Variants in KIF2C observed in about 807,000 individuals in gnomAD.
The protein encoded by KIF2C is kinesin family member 2C.
In KIF2C, 34 loss-of-function variants were observed where a neutral mutation model predicts 97.4. The ratio of observed to expected loss-of-function variants is 0.35; its 90% confidence interval spans 0.27 to 0.46. The LOEUF is 0.46. Among genes scored for constraint, KIF2C ranks in the 20% least tolerant of loss-of-function variants. The pLI, the probability that KIF2C is intolerant of heterozygous loss-of-function variation, is 1.00. For missense variants in KIF2C, 750 were observed against 907.6 expected, an observed-to-expected ratio of 0.83 and a Z score of 2.23; for synonymous variants, 313 against 318.2, an observed-to-expected ratio of 0.98 and a Z score of 0.17.
chr1:44,745,157 C>T (rs549191332), intron 2 of KIF2C, among the ~76,000 whole-genome samples: 2 of 151,586 alleles, frequency 1.3e-5, no homozygotes, highest in Admixed American at 6.6e-5. Context: ...CCACTGCACT[C>T]CAGCCTGGGC....
chr1:44,758,387 T>C (rs1011031500), intron 13 of KIF2C, among the ~76,000 whole-genome samples: 6 of 152,136 alleles, frequency 3.9e-5, no homozygotes, highest in African/African-American at 1.2e-4. Context: ...CCTGTGTGTG[T>C]CCTGACCTCC....
At position 44,739,938 on chromosome 1, in the gene KIF2C, C is replaced by T; in HGVS notation, c.6C>T (p.Ala2=). 4 of 1,614,172 alleles carry T rather than the reference C, an allele frequency of 2.5e-6. No homozygotes were observed. The highest frequency in any genetic ancestry group is 3.4e-6 in the Non-Finnish European group (4 of 1,179,998). M[A]MDSSLQARLF... ...CTTCCTTGCTGACTCTCCGAATGGCCATGGACTCGTCGCTTCAGGCCCGCC... is the reference window on the plus strand; with the variant it reads ...CTTCCTTGCTGACTCTCCGAATGGCTATGGACTCGTCGCTTCAGGCCCGCC... The change falls in exon 1 of 21, where the codon GCC becomes GCT. Residue 2 remains alanine (A), a synonymous_variant. Coordinates refer to ENST00000372224, the MANE Select transcript of KIF2C (RefSeq NM_006845.4).
At chr1:44,756,760 C>CA (rs1196732002) in intron 10 of KIF2C, among the ~76,000 whole-genome samples, 1 of 151,448 alleles carries the variant, frequency 6.6e-6, no homozygotes, top group Non-Finnish European at 1.5e-5. Flanking sequence ...CCCTGTTGGT[C>CA]AGGCTGGTCT....
intron 2 of KIF2C, among the ~76,000 whole-genome samples, chr1:44,744,091 TTTG>T (rs1649062499): frequency 1.5e-5 from 1 of 65,296 alleles, no homozygotes; most frequent in African/African-American, 4.5e-5. Context: ...TTTTTTTTTG[TTTG>T]TTTGTTTGTT....
Position 44,739,885 on chromosome 1 carries a change from T to G in KIF2C, c.-48T>G. 1 of 1,547,742 alleles carries G rather than the reference T, an allele frequency of 6.5e-7. No homozygotes were observed. The highest frequency in any genetic ancestry group is 8.9e-7 in the Non-Finnish European group (1 of 1,119,696). On this transcript the variant is annotated 5_prime_UTR_variant, in exon 1 of 21. Coordinates refer to ENST00000372224, the MANE Select transcript of KIF2C (RefSeq NM_006845.4). ...TTAAGACTTCGTAGGGTTAGCGAAATTGAGGTTTCTTGGTATTGCGCGTTT... is the reference window on the plus strand; with the variant it reads ...TTAAGACTTCGTAGGGTTAGCGAAAGTGAGGTTTCTTGGTATTGCGCGTTT...
At chr1:44,746,757 A>G (rs1002901715) in intron 2 of KIF2C, 2 of 1,609,202 alleles carry the variant, frequency 1.2e-6, no homozygotes, top group Non-Finnish European at 1.7e-6. Flanking sequence ...ATCCATCTAG[A>G]TGGTAAACCA....
At chr1:44,753,466 C>T (rs534362792) in intron 6 of KIF2C, among the ~76,000 whole-genome samples, 2 of 152,342 alleles carry the variant, frequency 1.3e-5, no homozygotes, top group East Asian at 3.8e-4. Context: ...AGCCAAGATG[C>T]ATAGGAAGAG....
chr1:44,754,854 A>G lies in KIF2C; in HGVS notation c.759+9A>G. ...TTACTATGACTGATCCTGTAAGTACATCCAAAGAACTTCTCTTTCTTAAGT... is the reference window on the plus strand; with the variant it reads ...TTACTATGACTGATCCTGTAAGTACGTCCAAAGAACTTCTCTTTCTTAAGT... On this transcript the variant is annotated intron_variant, in intron 8 of 20. Coordinates refer to ENST00000372224, the MANE Select transcript of KIF2C (RefSeq NM_006845.4). The G allele has an allele frequency of 6.6e-7, 1 of 1,524,738 alleles. No individual in the cohort carries two copies. The highest frequency in any genetic ancestry group is 9.1e-7 in the Non-Finnish European group (1 of 1,099,150). 94.5% of individuals were successfully genotyped at this position (1,524,738 alleles called of 1,614,324 possible).
intron 5 of KIF2C, among the ~76,000 whole-genome samples, chr1:44,751,257 G>C (rs1043795918): frequency 2.6e-5 from 4 of 151,958 alleles, no homozygotes; most frequent in Non-Finnish European, 5.9e-5. Flanking sequence ...GTGCAATGGC[G>C]TGGTCTTGGC....
chr1:44,753,871 C>T, intron 7 of KIF2C, 38 bp downstream of exon 7: 2 of 1,320,560 alleles, frequency 1.5e-6, no homozygotes, highest in Non-Finnish European at 2.1e-6. Flanking sequence ...GGTTTTTGGA[C>T]AGGTGTCCTT....
At position 44,767,080 on chromosome 1, in the gene KIF2C, G is replaced by A. The variant is rs367975725; in HGVS notation, c.2096-17G>A. 44 of 1,613,286 alleles carry A rather than the reference G, an allele frequency of 2.7e-5. No homozygotes were observed. The highest frequency in any genetic ancestry group is 3.3e-5 in the Admixed American group (2 of 59,962). On this transcript the variant is annotated splice_polypyrimidine_tract_variant and intron_variant, in intron 20 of 20. Transcript: ENST00000372224. ...GACTCTCACTAACCCCATATGTACC[G>A]CTACCCTTTCTTCCAGATGTCATCA...
At chr1:44,765,424 G>C (rs1650401939) in intron 19 of KIF2C, among the ~76,000 whole-genome samples, 1 of 152,014 alleles carries the variant, frequency 6.6e-6, no homozygotes, top group Admixed American at 6.6e-5. Context: ...AAACCTGCAC[G>C]TTGTGCACAT....
chr1:44,743,008 C>T (rs779420510), intron 2 of KIF2C, among the ~76,000 whole-genome samples: 1 of 152,166 alleles, frequency 6.6e-6, no homozygotes, highest in Non-Finnish European at 1.5e-5. Context: ...GCTGAAGCAG[C>T]AAGATGGCAC....
chr1:44,760,726 G>A lies in KIF2C; in HGVS notation c.1683+24G>A. 6.4e-7 allele frequency: 1 copy of A among 1,567,560 alleles called. No individual in the cohort carries two copies. Among genetic ancestry groups the A allele is most frequent in the Non-Finnish European group, 8.8e-7 (1 of 1,138,126 alleles). On this transcript the variant is annotated intron_variant, in intron 16 of 20. Transcript: ENST00000372224. The surrounding 1 kb of genome is among the most constrained non-coding windows in gnomAD (Gnocchi z 4.2). ...TGGTGAGTAGGGTCACTTTGAAGGT[G>A]ATGGTACAGGAGGAGACAGAGTTGC...
chr1:44,760,861 C>T lies in KIF2C; in HGVS notation c.1683+159C>T, dbSNP rs1557600077. ...GGCTTCCAGACCCTGCTTTAATGCA[C>T]GAGACTCCTTGTGGCCTAACCAAGC... On this transcript the variant is annotated intron_variant, in intron 16 of 20. Coordinates refer to ENST00000372224, the MANE Select transcript of KIF2C (RefSeq NM_006845.4). This position sits in a 1 kb window ranked among gnomAD's most constrained non-coding sequence, Gnocchi z 4.2. 1.4e-5 allele frequency: 9 copies of T among 622,210 alleles called. No individual in the cohort carries two copies. Among genetic ancestry groups the T allele is most frequent in the Middle Eastern group, 3.5e-4 (1 of 2,864 alleles). The allele number at this position is 622,210 out of a possible 1,614,324, so 38.5% of individuals were successfully genotyped here.
Position 44,739,871 on chromosome 1 carries a change from T to G in KIF2C, c.-62T>G. The stretch of plus-strand genomic sequence containing the variant: ...CGGTTTACGCGGCGTTAAGACTTCG[T>G]AGGGTTAGCGAAATTGAGGTTTCTT... On this transcript the variant is annotated 5_prime_UTR_variant, in exon 1 of 21. Coordinates refer to ENST00000372224, the MANE Select transcript of KIF2C (RefSeq NM_006845.4). 2.0e-6 allele frequency: 3 copies of G among 1,474,306 alleles called. No individual in the cohort carries two copies. The highest frequency in any genetic ancestry group is 2.8e-6 in the Non-Finnish European group (3 of 1,052,758). The allele number at this position is 1,474,306 out of a possible 1,614,324, so 91.3% of individuals were successfully genotyped here. A position where few individuals can be genotyped will look rare whatever the true frequency, so the allele number is the denominator to read the frequency against.
intron 5 of KIF2C, among the ~76,000 whole-genome samples, chr1:44,752,022 A>G (rs1416600229): frequency 6.7e-6 from 1 of 148,878 alleles, no homozygotes; most frequent in Non-Finnish European, 1.5e-5. Flanking sequence ...GGGTTTCACC[A>G]TATTGGCCAG....
rs755398919 is a variant in KIF2C, at chr1:44,747,716, C to T, written c.316+16C>T. 6.2e-7 allele frequency: 1 copy of T among 1,606,448 alleles called. No individual in the cohort carries two copies. The highest frequency in any genetic ancestry group is 8.5e-7 in the Non-Finnish European group (1 of 1,173,644). ...CCAAAAGAAAGTAAGTGGATTTCTA[C>T]TAGCTTACTATCATGGAATTTGTGT... On this transcript the variant is annotated intron_variant, in intron 4 of 20. Transcript: ENST00000372224.
Position 44,760,939 on chromosome 1 carries a change from G to A in KIF2C, c.1683+237G>A. ...GATGTGTAGGTGCAGCTCTTGGTTT[G>A]GGAGAGGTCATTCCTGCATTACCTG... On this transcript the variant is annotated intron_variant, in intron 16 of 20. Coordinates refer to ENST00000372224, the MANE Select transcript of KIF2C (RefSeq NM_006845.4). The surrounding 1 kb of genome is among the most constrained non-coding windows in gnomAD (Gnocchi z 4.2). 1 of 496,222 alleles carries A rather than the reference G, an allele frequency of 2.0e-6. No individual in the cohort carries two copies. The highest frequency in any genetic ancestry group is 3.6e-5 in the East Asian group (1 of 27,692). 30.7% of individuals were successfully genotyped at this position (496,222 alleles called of 1,614,324 possible). A position where few individuals can be genotyped will look rare whatever the true frequency, so the allele number is the denominator to read the frequency against.
Sources: allele counts gnomAD v4.1 joint callset (sites outside exome capture counted in the v4.1 genomes callset), GRCh38; gene constraint gnomAD v4.1.1; non-coding constraint Gnocchi (gnomAD v3.1); transcripts MANE v1.5; gene names NCBI Gene and HGNC (gene_info 2026-07-23, HGNC 2026-07-21).